Variants in ESR1 observed in about 807,000 individuals in gnomAD.
ESR1 encodes the protein estrogen receptor.
ESR1 carries 12 observed loss-of-function variants against 52.7 expected under a neutral mutation model. The observed-to-expected ratio is 0.23, with a 90% CI of 0.15 to 0.37. The LOEUF is 0.37. Ranked by LOEUF, ESR1 falls within the 10% of genes least tolerant of loss-of-function variation. ESR1 has a pLI of 1.00. For synonymous variants in ESR1, 305 were observed against 316.8 expected, an observed-to-expected ratio of 0.96 and a Z score of 0.39; for missense variants, 584 against 779.7, an observed-to-expected ratio of 0.75 and a Z score of 2.99.
intron 5 of ESR1, among the ~76,000 whole-genome samples, chr6:152,034,760 C>T (rs1418435635): frequency 6.6e-6 from 1 of 152,076 alleles, no homozygotes; most frequent in Admixed American, 6.6e-5. Flanking sequence ...CAGTGCAGAC[C>T]CACATGAATC....
chr6:152,120,491 G>A (rs2051292367), intron 6 of ESR1, among the ~76,000 whole-genome samples: 2 of 152,132 alleles, frequency 1.3e-5, no homozygotes, highest in South Asian at 2.1e-4. Context: ...TGGGTTCATG[G>A]GCCATAAGAT....
At chr6:151,931,401 A>G (rs1458966948) in intron 3 of ESR1, among the ~76,000 whole-genome samples, 1 of 151,994 alleles carries the variant, frequency 6.6e-6, no homozygotes, top group African/African-American at 2.4e-5. Context: ...TTCTGCTTAT[A>G]TTACCCATCT....
chr6:151,977,467 C>T (rs181088312), intron 4 of ESR1, among the ~76,000 whole-genome samples: 3 of 149,378 alleles, frequency 2.0e-5, no homozygotes, highest in Non-Finnish European at 4.4e-5. Flanking sequence ...AAATCCATAG[C>T]CAGATTTTGT....
At chr6:151,860,733 C>T (rs778752073) in intron 2 of ESR1, among the ~76,000 whole-genome samples, 4 of 152,138 alleles carry the variant, frequency 2.6e-5, no homozygotes, top group Non-Finnish European at 2.9e-5. Flanking sequence ...TTCTCATAGC[C>T]AGCACCTGAA....
upstream of ESR1, chr6:151,804,630 T>C (rs1777596105): frequency 6.6e-6 from 1 of 152,242 alleles, no homozygotes; most frequent in South Asian, 2.1e-4. Flanking sequence ...GATGGCATCA[T>C]TAACATTTTT....
chr6:152,104,605 A>G (rs187379927), downstream of ESR1, among the ~76,000 whole-genome samples: 2 of 152,322 alleles, frequency 1.3e-5, no homozygotes, highest in East Asian at 1.9e-4. Flanking sequence ...TTATGGTACA[A>G]TAAGAAATAT....
chr6:152,004,862 T>G (rs1377627047), intron 4 of ESR1, among the ~76,000 whole-genome samples: 1 of 152,066 alleles, frequency 6.6e-6, no homozygotes. Flanking sequence ...CATCTTAATA[T>G]GGGGTATTTA....
At chr6:151,939,364 A>G (rs554522956) in intron 3 of ESR1, among the ~76,000 whole-genome samples, 1 of 152,316 alleles carries the variant, frequency 6.6e-6, no homozygotes, top group South Asian at 2.1e-4. Context: ...TAAAATCCAT[A>G]TCACTCTATG....
At chr6:151,997,801 G>GA (rs755113744) in intron 4 of ESR1, among the ~76,000 whole-genome samples, 2 of 152,012 alleles carry the variant, frequency 1.3e-5, no homozygotes, top group East Asian at 3.9e-4. Context: ...TGGCAGAAGA[G>GA]AAAAAACACA....
intron 2 of ESR1, among the ~76,000 whole-genome samples, chr6:151,713,385 A>C (rs1458424103): frequency 1.3e-5 from 2 of 151,984 alleles, no homozygotes; most frequent in Admixed American, 6.5e-5. Flanking sequence ...CTCTTTTTCT[A>C]TTGTTTGGAA....
rs914550140 is a variant in ESR1, at chr6:152,100,152, G to T, written c.*1186G>T. On this transcript the variant is annotated 3_prime_UTR_variant, in exon 8 of 8. Transcript: ENST00000206249. ...GCAGACCCCGCATTGCCCTTTGGGGGTGCCCTGGGATCCCTGGGGTAGTCC... is the reference window on the plus strand; with the variant it reads ...GCAGACCCCGCATTGCCCTTTGGGGTTGCCCTGGGATCCCTGGGGTAGTCC... 2.5e-6 allele frequency: 1 copy of T among 398,674 alleles called. No individual in the cohort carries two copies. The highest frequency in any genetic ancestry group is 4.4e-6 in the Non-Finnish European group (1 of 226,162). The allele number at this position is 398,674 out of a possible 1,614,324, so 24.7% of individuals were successfully genotyped here. A position where few individuals can be genotyped will look rare whatever the true frequency, so the allele number is the denominator to read the frequency against.
At chr6:151,861,014 T>C (rs1231741016) in intron 2 of ESR1, among the ~76,000 whole-genome samples, 2 of 152,316 alleles carry the variant, frequency 1.3e-5, no homozygotes, top group African/African-American at 2.4e-5. Context: ...CCCTTTTTTG[T>C]GTTTTTAACT....
intron 2 of ESR1, among the ~76,000 whole-genome samples, chr6:151,707,333 A>C (rs770002471): frequency 6.6e-6 from 1 of 152,128 alleles, no homozygotes; most frequent in Non-Finnish European, 1.5e-5. Flanking sequence ...TTTCTTAGCA[A>C]TATGTATGTG....
chr6:152,059,968 A>T (rs1247158799), intron 5 of ESR1, among the ~76,000 whole-genome samples: 3 of 152,198 alleles, frequency 2.0e-5, no homozygotes, highest in East Asian at 3.8e-4. Context: ...TTCATATTTT[A>T]ATTGTTTATA....
At chr6:151,944,005 C>A (rs1432700505) in intron 3 of ESR1, among the ~76,000 whole-genome samples, 168 bp from the exon 4 acceptor site, 1 of 152,288 alleles carries the variant, frequency 6.6e-6, no homozygotes, top group East Asian at 1.9e-4. Flanking sequence ...AAATAGAAAT[C>A]TTTTTCTTCT....
chr6:151,964,111 C>A (rs1467236468), intron 4 of ESR1, among the ~76,000 whole-genome samples: 1 of 152,132 alleles, frequency 6.6e-6, no homozygotes, highest in Non-Finnish European at 1.5e-5. Context: ...TTTGATGCCT[C>A]TAGCTTTGTT....
At chr6:152,076,434 G>A (rs933056374) in intron 6 of ESR1, among the ~76,000 whole-genome samples, 1 of 152,162 alleles carries the variant, frequency 6.6e-6, no homozygotes, top group African/African-American at 2.4e-5. Context: ...TTTATCAGCA[G>A]CACGAAAATG....
intron 5 of ESR1, among the ~76,000 whole-genome samples, chr6:152,024,734 CATGTATTGTATTTATAT>C: frequency 6.8e-6 from 1 of 147,070 alleles, no homozygotes; most frequent in Non-Finnish European, 1.5e-5. Flanking sequence ...ATAATATATA[CATGTATTGTATTTATAT>C]ATGTATTTAT....
chr6:151,720,691 T>A (rs1407476741), intron 2 of ESR1, among the ~76,000 whole-genome samples: 1 of 152,224 alleles, frequency 6.6e-6, no homozygotes, highest in African/African-American at 2.4e-5. Flanking sequence ...GGAGAAGTGT[T>A]ACATGAAAAG....
Sources: allele counts gnomAD v4.1 joint callset (sites outside exome capture counted in the v4.1 genomes callset), GRCh38; gene constraint gnomAD v4.1.1; transcripts MANE v1.5; gene names NCBI Gene and HGNC (gene_info 2026-07-23, HGNC 2026-07-21).